The following FAM110B variants were observed in gnomAD, a reference collection of about 807,000 sequenced individuals.
FAM110B encodes the protein family with sequence similarity 110 member B, also known as protein FAM110B.
Under a neutral mutation model 20.4 loss-of-function variants are expected in FAM110B, and 6 were observed. The ratio of observed to expected loss-of-function variants is 0.29; its 90% CI spans 0.16 to 0.58. The LOEUF (loss-of-function observed/expected upper bound fraction) is 0.58. Among genes scored for constraint, FAM110B ranks in the 20% least tolerant of loss-of-function variants. The pLI is 0.90. For synonymous variants in FAM110B, 226 were observed against 214.1 expected (o/e 1.06, Z -0.49); for missense variants, 434 against 498.2 (o/e 0.87, Z 1.23).
At chr8:58,136,232 G>A (rs372422918) in intron 3 of FAM110B, among the ~76,000 whole-genome samples, 26 of 152,042 alleles carry the variant, frequency 1.7e-4, no homozygotes, top group African/African-American at 2.7e-4. Flanking sequence ...GGATGGTCTC[G>A]ATCTCCTGAC....
intron 2 of FAM110B, among the ~76,000 whole-genome samples, chr8:58,040,992 A>G (rs1253878082): frequency 8.2e-6 from 1 of 121,786 alleles, no homozygotes; most frequent in Non-Finnish European, 1.6e-5. Context: ...CCCAGTCTGG[A>G]GTGCAGTGGC....
intron 3 of FAM110B, among the ~76,000 whole-genome samples, chr8:58,100,006 T>A (rs1391447693): frequency 6.6e-6 from 1 of 152,166 alleles, no homozygotes; most frequent in East Asian, 1.9e-4. Context: ...TGCCCACTCT[T>A]TCTGCCTCCT....
At chr8:58,128,225 C>G (rs1393685374) in intron 3 of FAM110B, among the ~76,000 whole-genome samples, 2 of 152,134 alleles carry the variant, frequency 1.3e-5, no homozygotes, top group Admixed American at 1.3e-4. Flanking sequence ...AAATGGAATT[C>G]TCTTGTCCAG....
At chr8:58,114,280 C>A (rs1439575302) in intron 3 of FAM110B, among the ~76,000 whole-genome samples, 4 of 152,112 alleles carry the variant, frequency 2.6e-5, no homozygotes, top group African/African-American at 9.7e-5. Flanking sequence ...AGTTGCTATT[C>A]CTCGATAGTC....
chr8:58,143,214 C>G (rs1803779558), intron 3 of FAM110B, among the ~76,000 whole-genome samples: 1 of 152,214 alleles, frequency 6.6e-6, no homozygotes, highest in Non-Finnish European at 1.5e-5. Context: ...TTGGCTAAAC[C>G]AGGTAGAAAA....
chr8:58,107,103 A>G (rs1487255218), intron 3 of FAM110B, among the ~76,000 whole-genome samples: 1 of 152,146 alleles, frequency 6.6e-6, no homozygotes, highest in African/African-American at 2.4e-5. Flanking sequence ...TCAAACCACT[A>G]CTGTTGCCGT....
intron 3 of FAM110B, among the ~76,000 whole-genome samples, chr8:58,080,004 C>G (rs141768025): frequency 2.4e-3 from 360 of 152,286 alleles, no homozygotes; most frequent in African/African-American, 8.2e-3. Context: ...GTGCTGGAGA[C>G]GTTATGTGCA....
intron 3 of FAM110B, among the ~76,000 whole-genome samples, chr8:58,103,538 A>G (rs1806838687): frequency 6.6e-6 from 1 of 152,186 alleles, no homozygotes; most frequent in Admixed American, 6.5e-5. Context: ...GCAAACATTC[A>G]TGTCCCTTCC....
At chr8:58,058,979 G>T (rs1177446972) in intron 2 of FAM110B, among the ~76,000 whole-genome samples, 1 of 152,122 alleles carries the variant, frequency 6.6e-6, no homozygotes, top group African/African-American at 2.4e-5. Flanking sequence ...ACCTCCAGAA[G>T]AAATCATTGT....
At chr8:58,074,471 C>CT (rs1341220107) in intron 2 of FAM110B, among the ~76,000 whole-genome samples, 2 of 152,210 alleles carry the variant, frequency 1.3e-5, no homozygotes, top group East Asian at 3.9e-4. Flanking sequence ...GGCTTGTTCC[C>CT]TCACTGCCTG....
chr8:58,006,665 C>T (rs993393869), intron 1 of FAM110B, among the ~76,000 whole-genome samples: 9 of 150,952 alleles, frequency 6.0e-5, no homozygotes, highest in South Asian at 4.2e-4. Flanking sequence ...TGCAGTGGCA[C>T]GATCTCGGCT....
intron 3 of FAM110B, among the ~76,000 whole-genome samples, chr8:58,125,059 T>C (rs1270852450): frequency 4.6e-5 from 7 of 152,162 alleles, no homozygotes; most frequent in Non-Finnish European, 1.0e-4. Flanking sequence ...CATGAAAATA[T>C]TATTGAGGCC....
chr8:58,085,627 C>A (rs1364216380), intron 3 of FAM110B, among the ~76,000 whole-genome samples: 1 of 152,210 alleles, frequency 6.6e-6, no homozygotes, highest in Non-Finnish European at 1.5e-5. Flanking sequence ...GTTTCACATT[C>A]ATTTTTAGAG....
rs1333095795 is a variant in FAM110B, at chr8:58,116,957, C to T, written c.-324-28950C>T. On this transcript the variant is annotated intron_variant, in intron 3 of 3. Coordinates refer to ENST00000519262, the MANE Select transcript of FAM110B (RefSeq NM_001377989.1). ...GATGCACACAGCATTTGGGGGCTGC[C>T]TTCAGGAGTATAAGCCTAGCTGCTC... Among the ~76,000 whole-genome samples, 4 of 152,208 alleles carry T rather than the reference C, an allele frequency of 2.6e-5. No individual in the cohort carries two copies. The East Asian group carries it at 7.7e-4, about 29-fold the overall frequency.
intron 2 of FAM110B, among the ~76,000 whole-genome samples, chr8:58,044,226 C>T (rs985988246): frequency 1.3e-5 from 2 of 152,126 alleles, no homozygotes; most frequent in Non-Finnish European, 2.9e-5. Context: ...ATGTGCAATC[C>T]TAGGGGTGCC....
chr8:58,056,954 CTA>C (rs1805558682), intron 2 of FAM110B, among the ~76,000 whole-genome samples: 2 of 152,154 alleles, frequency 1.3e-5, no homozygotes. Flanking sequence ...TGAGGAGGCC[CTA>C]TGTTTTTAGT....
At chr8:58,070,705 A>T (rs1040835825) in intron 2 of FAM110B, among the ~76,000 whole-genome samples, 1 of 152,200 alleles carries the variant, frequency 6.6e-6, no homozygotes, top group African/African-American at 2.4e-5. Context: ...TTCAGTACCC[A>T]GTAGACTTTG....
intron 3 of FAM110B, among the ~76,000 whole-genome samples, chr8:58,115,007 G>GTT (rs67361448): frequency 2.1e-5 from 3 of 144,238 alleles, no homozygotes; most frequent in African/African-American, 5.0e-5. Context: ...TTGGAAAGTT[G>GTT]TTTTTTTTTT....
At chr8:58,075,420 G>T (rs952289506) in intron 2 of FAM110B, 115 bp from the exon 3 acceptor site, 4 of 152,006 alleles carry the variant, frequency 2.6e-5, no homozygotes, top group Non-Finnish European at 4.4e-5. Context: ...CACCCAGCCT[G>T]TATTGACTAA....
Sources: gnomAD v4.1 joint callset for allele counts (sites outside exome capture counted in the v4.1 genomes callset) on GRCh38, gnomAD v4.1.1 for gene constraint, MANE v1.5 for transcripts, NCBI Gene and HGNC (gene_info 2026-07-23, HGNC 2026-07-21) for gene names.